Variants in BCORL1 observed in about 807,000 individuals in gnomAD.
The protein encoded by BCORL1 is BCL-6 corepressor-like protein 1.
Under a neutral mutation model 87.6 loss-of-function variants are expected in BCORL1, and 7 were observed. The observed-to-expected ratio is 0.08, with a 90% CI of 0.05 to 0.15. The LOEUF is 0.15. Among genes scored for constraint, BCORL1 ranks in the 10% least tolerant of loss-of-function variants. BCORL1 has a pLI of 1.00. For synonymous variants in BCORL1, 591 were observed against 634.4 expected (o/e 0.93, Z 1.03); for missense variants, 1,215 against 1,499.7 (o/e 0.81, Z 3.13).
At chrX:130,039,576 G>A (rs771036114) in intron 11 of BCORL1, among the ~76,000 whole-genome samples, 6 of 113,117 alleles carry the variant, frequency 5.3e-5, no homozygotes, top group African/African-American at 1.9e-4. Flanking sequence ...GTGTGGGGGC[G>A]GCAGCCCCAC....
chrX:130,037,143 CA>C lies in BCORL1; in HGVS notation c.4528-214del, dbSNP rs778334952. On this transcript the variant is annotated intron_variant, in intron 9 of 13. Transcript: ENST00000540052. ...CCTGGGCAACAGAGTGAGACTGTCT[CA>C]AAAAAAAAAGTCTCTCCACTGCCAA... 4.0e-4 allele frequency among the ~76,000 whole-genome samples: 42 copies of C among 105,768 alleles called. No individual in the cohort carries two copies. The East Asian group carries it at 6.9e-3, about 17-fold the overall frequency. 91.8% of individuals were successfully genotyped at this position (105,768 alleles called of 115,157 possible).
At chrX:129,983,653 G>A (rs1926323569) in intron 1 of BCORL1, among the ~76,000 whole-genome samples, 1 of 107,995 alleles carries the variant, frequency 9.3e-6, no homozygotes, top group African/African-American at 3.4e-5. Context: ...TGGAAAAAAG[G>A]CGGGGGATGA....
chrX:130,056,079 G>A lies in BCORL1; in HGVS notation c.5301G>A (p.Glu1767=). 1.7e-6 allele frequency: 2 copies of A among 1,198,547 alleles called. No individual in the cohort carries two copies. Among genetic ancestry groups the A allele is most frequent in the Admixed American group, 2.3e-5 (1 of 44,345 alleles). ...SSETVELVRY[E]PDLLRLLGSE... is the part of the protein sequence containing the mutation. The stretch of plus-strand genomic sequence containing the variant: ...AGACTGTGGAGCTGGTGCGGTACGA[G>A]CCAGACCTACTTCGGCTCCTAGGGT... Residue 1767 remains glutamate, a synonymous_variant, in exon 14 of 14, where the codon GAG becomes GAA. Coordinates refer to ENST00000540052, the MANE Select transcript of BCORL1 (RefSeq NM_001379451.1).
upstream of BCORL1, among the ~76,000 whole-genome samples, chrX:129,980,557 G>A (rs1480760839): frequency 1.8e-5 from 2 of 112,345 alleles, no homozygotes; most frequent in African/African-American, 3.2e-5. Flanking sequence ...CCGGGACCGA[G>A]GCCGGCACCT....
chrX:130,048,121 CT>C (rs1223933951), intron 11 of BCORL1, among the ~76,000 whole-genome samples: 1 of 112,179 alleles, frequency 8.9e-6, no homozygotes, highest in Non-Finnish European at 1.9e-5. Context: ...CTGCCTTTTC[CT>C]ACTGGGGGAA....
rs1354797211 is a variant in BCORL1, at chrX:130,014,093, A to G, written c.1321A>G (p.Thr441Ala). The G allele has an allele frequency of 8.3e-7, 1 of 1,209,683 alleles. No homozygotes were observed. The highest frequency in any genetic ancestry group is 1.1e-6 in the Non-Finnish European group (1 of 894,281). ...QKVPLSFQPG[T>A]VLTPSQPLVY... ...AGTCCCCCTGTCCTTTCAGCCAGGG[A>G]CAGTGCTGACCCCGAGCCAGCCGCT... Residue 441 changes from threonine to alanine, a missense_variant, in exon 4 of 14, where the codon ACA becomes GCA. By Grantham distance (58) the Thr-to-Ala change is moderately conservative (BLOSUM62 0). Transcript: ENST00000540052.
Position 129,998,168 on chromosome X carries a change from C to G in BCORL1, c.-44-7020C>G, listed in dbSNP as rs141657012. ...TTCCAGGCAGTGACCAGGGTTGATT[C>G]TTGGGCCATGCAGCTGTTCATTTCT... is the stretch of plus-strand genomic sequence containing the variant. On this transcript the variant is annotated intron_variant, in intron 1 of 13. Transcript: ENST00000540052. 1.5e-3 allele frequency among the ~76,000 whole-genome samples: 165 copies of G among 110,723 alleles called. 2 individuals carry two copies. The East Asian group carries it at 0.036, about 24-fold the overall frequency.
chrX:130,025,299 G>A lies in BCORL1; in HGVS notation c.3998G>A (p.Arg1333Lys), dbSNP rs1475568565. The A allele has an allele frequency of 7.5e-6, 9 of 1,198,425 alleles. No individual in the cohort carries two copies. The South Asian group carries it at 1.6e-4, about 22-fold the overall frequency. Residue 1333 changes from arginine to lysine, a missense_variant, in exon 7 of 14, where the codon AGA (arginine) becomes AAA (lysine). This residue lies in a region of BCORL1 where 166 missense variants were observed against 196.5 expected (regional missense o/e 0.84). Transcript: ENST00000540052. ...GGCCTGCTGAAGAGGAAGAAACGAA[G>A]ACGGCAGAAGAGCCGAAAATATCAG... ...EEGLLKRKKR[R>K]RQKSRKYQTG...
At chrX:130,020,258 C>T (rs770400630) in intron 4 of BCORL1, among the ~76,000 whole-genome samples, 19 of 111,966 alleles carry the variant, frequency 1.7e-4, no homozygotes, top group South Asian at 1.5e-3. Context: ...TGTCTTGGAG[C>T]CTCCGTTTTC....
At chrX:129,999,060 G>GTT (rs10566190) in intron 1 of BCORL1, among the ~76,000 whole-genome samples, 16 of 87,379 alleles carry the variant, frequency 1.8e-4, no homozygotes, top group South Asian at 1.0e-3. Context: ...ATTTTTTGTG[G>GTT]TTTTTTTTTT....
chrX:129,981,885 A>AGG (rs1926123883), upstream of BCORL1: 1 of 22,689 alleles, frequency 4.4e-5, no homozygotes, highest in Non-Finnish European at 7.7e-5. Flanking sequence ...GCTTCAGGGG[A>AGG]GGGGTTCCGG....
At position 130,056,544 on chromosome X, in the gene BCORL1, A is replaced by T. The variant is rs1932402498; in HGVS notation, c.*408A>T. 1 of 138,204 alleles carries T rather than the reference A, an allele frequency of 7.2e-6. No individual in the cohort carries two copies. The highest frequency in any genetic ancestry group is 3.1e-5 in the African/African-American group (1 of 31,833). 11.4% of individuals were successfully genotyped at this position (138,204 alleles called of 1,213,427 possible). A position where few individuals can be genotyped will look rare whatever the true frequency, so the allele number is the denominator to read the frequency against. On this transcript the variant is annotated 3_prime_UTR_variant, in exon 14 of 14. Transcript: ENST00000540052. ...AGATCTCTGAGCGCCCCCCAACTCC[A>T]TTCCCCTGTGTTCTTCTGTCTTCTG...
chrX:130,004,090 A>AT (rs1051396071), intron 1 of BCORL1, among the ~76,000 whole-genome samples: 6 of 111,142 alleles, frequency 5.4e-5, no homozygotes, highest in African/African-American at 2.0e-4. Context: ...AGCTCATTGG[A>AT]TAAAGGTTTT....
chrX:130,043,784 ATTTTTTT>A (rs1163098654), intron 11 of BCORL1, among the ~76,000 whole-genome samples: 17 of 15,955 alleles, frequency 1.1e-3, no homozygotes, highest in South Asian at 9.4e-3. Flanking sequence ...ATATATATAT[ATTTTTTT>A]TTTTTTTTTT....
chrX:130,022,024 C>T (rs5977189), intron 5 of BCORL1, among the ~76,000 whole-genome samples: 4,234 of 110,364 alleles, frequency 0.038, 194 homozygotes, highest in African/African-American at 0.13. Context: ...TGGGCTCAAG[C>T]CATCTCCCTG....
Position 130,014,002 on chromosome X carries a change from C to T in BCORL1, c.1230C>T (p.Pro410=). The change falls in exon 4 of 14, where the codon CCC becomes CCT. Residue 410 remains proline (P), a synonymous_variant. Transcript: ENST00000540052. ...ATPAAIPTSA[P]IPASFSLSRV... is the part of the protein sequence containing the mutation. The stretch of plus-strand genomic sequence containing the variant: ...CAGCTGCCATTCCCACCTCTGCACC[C>T]ATCCCGGCCTCCTTCAGTTTGAGTA... 8.3e-7 allele frequency: 1 copy of T among 1,210,995 alleles called. No homozygotes were observed. Among genetic ancestry groups the T allele is most frequent in the African/African-American group, 1.7e-5 (1 of 57,708 alleles).
intron 11 of BCORL1, among the ~76,000 whole-genome samples, chrX:130,044,654 C>T (rs1044816550): frequency 1.4e-4 from 16 of 110,805 alleles, no homozygotes; most frequent in African/African-American, 4.3e-4. Context: ...GGATTACAAA[C>T]GCCCACCACC....
In BCORL1 at chrX:130,051,871, G is replaced by A. The variant is rs773602566; in HGVS notation, c.4930G>A (p.Gly1644Arg). Residue 1644 changes from glycine (G) to arginine (R), a missense_variant, in exon 13 of 14, where the codon GGG becomes AGG. Physicochemically the swap from Gly to Arg is moderately radical, Grantham distance 125. This residue lies in a region of BCORL1 where 129 missense variants were observed against 157.5 expected (regional missense o/e 0.82). Transcript: ENST00000540052. ...TGCTCCCCTTACAGAGGAAAAAGACGGGTTTGCCTGTGACCTCCTACATAA... is the reference window on the plus strand; with the variant it reads ...TGCTCCCCTTACAGAGGAAAAAGACAGGTTTGCCTGTGACCTCCTACATAA... Reference protein sequence around the residue: ...YSSSVLEEKDGFACDLLHNPP... With the variant: ...YSSSVLEEKDRFACDLLHNPP... The A allele has an allele frequency of 4.2e-6, 5 of 1,196,621 alleles. No individual in the cohort carries two copies. In the Admixed American group the frequency reaches 6.9e-5, roughly 16 times the overall value.
chrX:130,055,637 G>A (rs907502707), intron 13 of BCORL1, among the ~76,000 whole-genome samples: 7 of 112,844 alleles, frequency 6.2e-5, no homozygotes, highest in South Asian at 7.2e-4. Context: ...GCTGAAAGCC[G>A]GGCCAGGCAT....
Sources: allele counts gnomAD v4.1 joint callset (sites outside exome capture counted in the v4.1 genomes callset), GRCh38; gene constraint gnomAD v4.1.1; regional missense constraint gnomAD v4.1.1; transcripts MANE v1.5; gene names NCBI Gene and HGNC (gene_info 2026-07-23, HGNC 2026-07-21).